The following CSNK1A1 variants were observed in gnomAD, a reference collection of about 807,000 sequenced individuals.
The protein encoded by CSNK1A1 is casein kinase 1 alpha 1.
A neutral mutation model predicts 46.1 loss-of-function variants in CSNK1A1; 7 were observed. The observed-to-expected ratio is 0.15, with a 90% confidence interval of 0.09 to 0.29. The LOEUF (loss-of-function observed/expected upper bound fraction) is 0.29. Among genes scored for constraint, CSNK1A1 ranks in the 10% least tolerant of loss-of-function variants. The probability of loss-of-function intolerance (pLI) is 1.00; values close to 1 mark genes in which losing one functional copy is unlikely to be tolerated. For synonymous variants in CSNK1A1, 137 were observed against 141.5 expected (o/e 0.97, Z 0.23); for missense variants, 96 against 417.1 (o/e 0.23, Z 6.71).
intron 9 of CSNK1A1, chr5:149,502,478 G>T: frequency 3.9e-6 from 1 of 259,712 alleles, no homozygotes; most frequent in Non-Finnish European, 5.6e-6. Context: ...AACACAGCTG[G>T]GATCACAGGC....
chr5:149,498,067 C>T (rs1580813716), intron 9 of CSNK1A1: 4 of 937,242 alleles, frequency 4.3e-6, no homozygotes, highest in African/African-American at 1.8e-5. Context: ...CTCCTGACCT[C>T]GTGATCCACC....
chr5:149,507,482 A>T (rs1254365854), intron 7 of CSNK1A1, among the ~76,000 whole-genome samples: 1 of 151,562 alleles, frequency 6.6e-6, no homozygotes, highest in Non-Finnish European at 1.5e-5. Context: ...TTTTTTAAAG[A>T]CAGGGTCTCA....
rs769804898 is a variant in CSNK1A1, at chr5:149,505,613, T to C, written c.858-18A>G. On this transcript the variant is annotated intron_variant, in intron 8 of 9. Transcript: ENST00000377843. The stretch of plus-strand genomic sequence containing the variant: ...TCAGGGTCCTGGAACACATAAAATA[T>C]TTTATGTTAATCCTTTAATAACAGA... 6.2e-7 allele frequency: 1 copy of C among 1,602,484 alleles called. No homozygotes were observed. The highest frequency in any genetic ancestry group is 8.5e-7 in the Non-Finnish European group (1 of 1,170,684).
chr5:149,506,475 G>A (rs1013533186), intron 8 of CSNK1A1, among the ~76,000 whole-genome samples: 4 of 151,902 alleles, frequency 2.6e-5, no homozygotes, highest in Admixed American at 6.6e-5. Context: ...GACCTCAAGC[G>A]ATCTGCCCGC....
intron 9 of CSNK1A1, chr5:149,502,585 G>T: frequency 1.5e-6 from 1 of 663,854 alleles, no homozygotes; most frequent in Non-Finnish European, 1.9e-6. Context: ...TGTGGCCCAG[G>T]CAAGTCTAGA....
chr5:149,534,589 C>G (rs1762004276), intron 2 of CSNK1A1, among the ~76,000 whole-genome samples: 2 of 151,450 alleles, frequency 1.3e-5, no homozygotes, highest in Admixed American at 1.3e-4. Flanking sequence ...TAAATATTCT[C>G]CTAGTTCCAG....
chr5:149,498,568 A>G (rs950674422), intron 9 of CSNK1A1: 3 of 984,920 alleles, frequency 3.0e-6, no homozygotes, highest in Non-Finnish European at 2.4e-6. Flanking sequence ...TATGCAGGTT[A>G]AGAAACTAAG....
At chr5:149,536,222 G>A (rs984276225) in intron 2 of CSNK1A1, among the ~76,000 whole-genome samples, 12 of 152,146 alleles carry the variant, frequency 7.9e-5, no homozygotes, top group Non-Finnish European at 1.6e-4. Context: ...CAAAGTGCTA[G>A]GATTACAGGA....
intron 4 of CSNK1A1, among the ~76,000 whole-genome samples, 182 bp from the exon 5 acceptor site, chr5:149,513,391 A>C (rs1021112880): frequency 1.3e-5 from 2 of 150,344 alleles, no homozygotes. Context: ...AGTCTTCATC[A>C]ATAAATCAAG....
chr5:149,541,883 A>ATCACTTGAACCTGGGAAGTGGAGG (rs1762242011), intron 2 of CSNK1A1, among the ~76,000 whole-genome samples: 1 of 149,190 alleles, frequency 6.7e-6, no homozygotes, highest in Non-Finnish European at 1.5e-5. Context: ...AGGCAGGAGA[A>ATCACTTGAACCTGGGAAGTGGAGG]TCACTTGAAC....
rs1378718297 is a variant in CSNK1A1 at position 149,509,921 on chromosome 5, A to G, written c.708T>C (p.Ile236=). The change falls in exon 7 of 10, where the codon ATT becomes ATC. Residue 236 remains isoleucine (I), a synonymous_variant. Coordinates refer to ENST00000377843, the MANE Select transcript of CSNK1A1 (RefSeq NM_001892.6). ...CAGGCGTGGACATCTTCTTTTCACT[A>G]ATCTTTTCATATTTTTGTTTCTTTG... ...AATKKQKYEK[I]SEKKMSTPVE... 2 of 1,610,672 alleles carry G rather than the reference A, an allele frequency of 1.2e-6. No homozygotes were observed. Among genetic ancestry groups the G allele is most frequent in the Admixed American group, 3.3e-5 (2 of 59,828 alleles).
chr5:149,531,098 T>C (rs2113143703), intron 2 of CSNK1A1, among the ~76,000 whole-genome samples: 1 of 152,226 alleles, frequency 6.6e-6, no homozygotes, highest in African/African-American at 2.4e-5. Flanking sequence ...TTGCCATTCA[T>C]TATACACAGA....
intron 8 of CSNK1A1, among the ~76,000 whole-genome samples, chr5:149,506,360 C>T (rs1761024963): frequency 6.6e-6 from 1 of 152,090 alleles, no homozygotes; most frequent in Non-Finnish European, 1.5e-5. Context: ...CCTCAGCCTC[C>T]CGAGTCGCTG....
chr5:149,495,443 G>A lies in CSNK1A1; in HGVS notation c.*1410C>T, dbSNP rs1226944133. 1.3e-5 allele frequency: 2 copies of A among 152,000 alleles called. No individual in the cohort carries two copies. Among genetic ancestry groups the A allele is most frequent in the Non-Finnish European group, 2.9e-5 (2 of 68,008 alleles). 9.4% of individuals were successfully genotyped at this position (152,000 alleles called of 1,614,324 possible). On this transcript the variant is annotated 3_prime_UTR_variant, in exon 10 of 10. Coordinates refer to ENST00000377843, the MANE Select transcript of CSNK1A1 (RefSeq NM_001892.6). The stretch of plus-strand genomic sequence containing the variant: ...AAGTTTTCCTTTCTCATGGGTCAGA[G>A]AAAAAGAAATGAGCGTGCAAAGAAG...
chr5:149,549,459 C>A (rs946576338), intron 2 of CSNK1A1: 4 of 702,352 alleles, frequency 5.7e-6, no homozygotes, highest in African/African-American at 5.2e-5. Flanking sequence ...AACCTCCACA[C>A]CGCCTCCTGC....
At position 149,550,611 on chromosome 5, in the gene CSNK1A1, T is replaced by C. The variant is rs1446566284; in HGVS notation, c.123+231A>G. ...AAAAAGCTCGACTAAGGGACATTTA[T>C]GGGACGTGTTTAACAAGGTGGGAAA... On this transcript the variant is annotated intron_variant, in intron 1 of 9. Coordinates refer to ENST00000377843, the MANE Select transcript of CSNK1A1 (RefSeq NM_001892.6). The surrounding 1 kb of genome is among the most constrained non-coding windows in gnomAD (Gnocchi z 4.3). Among the ~76,000 whole-genome samples, 3 of 150,336 alleles carry C rather than the reference T, an allele frequency of 2.0e-5. No homozygotes were observed. The highest frequency in any genetic ancestry group is 4.4e-5 in the Non-Finnish European group (3 of 67,778).
chr5:149,539,929 A>G (rs77096568), intron 2 of CSNK1A1, among the ~76,000 whole-genome samples: 2,175 of 152,292 alleles, frequency 0.014, 55 homozygotes, highest in African/African-American at 0.05. Flanking sequence ...CAATGCCTGG[A>G]TAATATTGGA....
intron 8 of CSNK1A1, 70 bp from the exon 9 acceptor site, chr5:149,505,665 T>G: frequency 7.7e-7 from 1 of 1,297,378 alleles, no homozygotes; most frequent in Non-Finnish European, 1.1e-6. Flanking sequence ...TACTAACTTT[T>G]TAAGACAGTG....
chr5:149,542,668 ATATG>A (rs1561772801), intron 2 of CSNK1A1, among the ~76,000 whole-genome samples: 2 of 11,700 alleles, frequency 1.7e-4, no homozygotes, highest in Non-Finnish European at 1.3e-4. Context: ...ATATATATAT[ATATG>A]TATATATATA....
Sources: allele counts gnomAD v4.1 joint callset (sites outside exome capture counted in the v4.1 genomes callset), GRCh38; gene constraint gnomAD v4.1.1; non-coding constraint Gnocchi (gnomAD v3.1); transcripts MANE v1.5; gene names NCBI Gene and HGNC (gene_info 2026-07-23, HGNC 2026-07-21).